Variants in RARB observed in about 807,000 individuals in gnomAD.
RARB encodes the protein retinoic acid receptor beta.
In RARB, 17 loss-of-function variants were observed where a neutral mutation model predicts 51.9. That is an observed-to-expected ratio of 0.33 (90% CI 0.22 to 0.49). RARB has a LOEUF of 0.49. Among genes scored for constraint, RARB ranks in the 20% least tolerant of loss-of-function variants. The pLI is 0.99. For missense variants in RARB, 369 were observed against 550.8 expected (o/e 0.67, Z 3.30); for synonymous variants, 215 against 195.4 (o/e 1.10, Z -0.84).
chr3:25,431,439 T>A (rs564817973), intron 1 of RARB, among the ~76,000 whole-genome samples: 1 of 152,260 alleles, frequency 6.6e-6, no homozygotes, highest in African/African-American at 2.4e-5. Flanking sequence ...GTGAATTGCT[T>A]CTTATAAGCA....
chr3:24,897,958 G>C (rs1277113880), intron 2 of RARB, among the ~76,000 whole-genome samples: 2 of 152,132 alleles, frequency 1.3e-5, no homozygotes, highest in Non-Finnish European at 2.9e-5. Flanking sequence ...GTGGAAGTGG[G>C]AGAAAATAAA....
intron 2 of RARB, among the ~76,000 whole-genome samples, chr3:25,017,948 G>A (rs1033924125): frequency 7.2e-5 from 11 of 152,160 alleles, no homozygotes; most frequent in South Asian, 6.2e-4. Context: ...TCCACCATAT[G>A]TGCAATGGAA....
intron 3 of RARB, among the ~76,000 whole-genome samples, chr3:25,546,066 C>A (rs938507831): frequency 6.6e-6 from 1 of 151,402 alleles, no homozygotes; most frequent in African/African-American, 2.4e-5. Flanking sequence ...GAGAGGGCAC[C>A]CAGGCAGAGG....
intron 5 of RARB, among the ~76,000 whole-genome samples, chr3:25,383,702 C>G (rs188895932): frequency 1.3e-5 from 2 of 152,002 alleles, no homozygotes; most frequent in Non-Finnish European, 2.9e-5. Context: ...CCGAGGCGAG[C>G]GGATCATCTG....
rs71057686 is a variant in RARB at position 24,889,675 on chromosome 3, AGTGT to A, written c.-380+30954_-380+30957del. 0.013 allele frequency among the ~76,000 whole-genome samples: 1,919 copies of A among 142,948 alleles called. 88 individuals carry two copies. The East Asian group carries it at 0.17, about 12-fold the overall frequency. The allele number at this position is 142,948 out of a possible 152,430, so 93.8% of individuals were successfully genotyped here. A position where few individuals can be genotyped will look rare whatever the true frequency, so the allele number is the denominator to read the frequency against. On this transcript the variant is annotated intron_variant, in intron 2 of 11. Coordinates refer to the RARB transcript ENST00000383772. ...ACAAATGTATTGAATCACCTCTTAA[AGTGT>A]GTGTGTGTGTGTGTGTGTGTGTGTG...
intron 5 of RARB, among the ~76,000 whole-genome samples, chr3:25,188,311 T>A (rs1024204969): frequency 6.6e-6 from 1 of 152,136 alleles, no homozygotes; most frequent in Non-Finnish European, 1.5e-5. Flanking sequence ...TCACTAAATG[T>A]TTGTTGTATA....
intron 2 of RARB, among the ~76,000 whole-genome samples, chr3:24,941,772 T>G (rs1474683041): frequency 6.6e-6 from 1 of 152,204 alleles, no homozygotes; most frequent in South Asian, 2.1e-4. Flanking sequence ...TTCACTAACA[T>G]TTTAGAATAT....
intron 2 of RARB, among the ~76,000 whole-genome samples, chr3:24,946,536 C>T (rs550801302): frequency 6.6e-6 from 1 of 151,828 alleles, no homozygotes; most frequent in African/African-American, 2.4e-5. Context: ...ATAATGTGTG[C>T]TTAAAAAACC....
At chr3:25,480,609 CT>C (rs947745778) in intron 2 of RARB, among the ~76,000 whole-genome samples, 1 of 152,104 alleles carries the variant, frequency 6.6e-6, no homozygotes, top group Non-Finnish European at 1.5e-5. Context: ...AGAGTCAATC[CT>C]TTTAGTTGTG....
intron 3 of RARB, among the ~76,000 whole-genome samples, chr3:25,130,195 C>A (rs1204853008): frequency 6.6e-6 from 1 of 152,032 alleles, no homozygotes; most frequent in Non-Finnish European, 1.5e-5. Flanking sequence ...AGCAACTATT[C>A]CTTCACTAGC....
chr3:25,142,452 G>A (rs1700122372), intron 4 of RARB, among the ~76,000 whole-genome samples: 2 of 152,266 alleles, frequency 1.3e-5, no homozygotes, highest in South Asian at 2.1e-4. Flanking sequence ...GAGAAGTCCT[G>A]CCGGATACCT....
chr3:25,573,484 G>C (rs1212662943), intron 4 of RARB, among the ~76,000 whole-genome samples: 3 of 152,188 alleles, frequency 2.0e-5, no homozygotes, highest in African/African-American at 7.2e-5. Flanking sequence ...CCTTCCGGAG[G>C]CCTGCTGCCC....
At chr3:25,123,956 T>C (rs1425926806) in intron 3 of RARB, among the ~76,000 whole-genome samples, 1 of 152,210 alleles carries the variant, frequency 6.6e-6, no homozygotes, top group Non-Finnish European at 1.5e-5. Context: ...TGAACCAGTC[T>C]GTGTCAAAGA....
In RARB at chr3:25,309,486, CTTTTTTT is replaced by C. The variant is rs149976069; in HGVS notation, c.178+134934_178+134940del. ...CTGATTCCTTAACATCTCATAGTTG[CTTTTTTT>C]TTTTTTTTTTTTTTTTTTTTTTGAG... On this transcript the variant is annotated intron_variant, in intron 5 of 11. Transcript: ENST00000383772. 1.5e-4 allele frequency among the ~76,000 whole-genome samples: 9 copies of C among 58,082 alleles called. No homozygotes were observed. In the East Asian group the frequency reaches 2.1e-3, roughly 14 times the overall value. 38.1% of individuals were successfully genotyped at this position (58,082 alleles called of 152,430 possible).
intron 5 of RARB, among the ~76,000 whole-genome samples, chr3:25,232,155 C>T (rs1433798007): frequency 2.0e-5 from 3 of 151,904 alleles, no homozygotes; most frequent in Non-Finnish European, 4.4e-5. Flanking sequence ...GTTAATTGAC[C>T]ATTGTTTCTG....
chr3:25,461,190 T>C lies in RARB; in HGVS notation c.158-3T>C, dbSNP rs751067764. 6 of 1,605,176 alleles carry C rather than the reference T, an allele frequency of 3.7e-6. No individual in the cohort carries two copies. The South Asian group carries it at 6.7e-5, about 18-fold the overall frequency. ...TTCTCCCTCTACCCCATCTCTATTA[T>C]AGCAATTGAAACACAGAGCACCAGC... is the stretch of plus-strand genomic sequence containing the variant. On this transcript the variant is annotated splice_polypyrimidine_tract_variant and splice_region_variant and intron_variant, in intron 1 of 7. Coordinates refer to ENST00000330688, the MANE Select transcript of RARB (RefSeq NM_000965.5).
At chr3:24,942,748 C>T (rs1338568660) in intron 2 of RARB, among the ~76,000 whole-genome samples, 1 of 152,144 alleles carries the variant, frequency 6.6e-6, no homozygotes, top group East Asian at 1.9e-4. Flanking sequence ...CTGTCAAGAG[C>T]ATTAGTGGCA....
rs892350179 is a variant in RARB, at chr3:24,883,747, G to T, written c.-380+24995G>T. On this transcript the variant is annotated intron_variant, in intron 2 of 11. Coordinates refer to the RARB transcript ENST00000383772. ...GCATTGATTTTCAAATTGGGTGTCA[G>T]ATACAGAGCATTAATAAAACACATT... Among the ~76,000 whole-genome samples the T allele has an allele frequency of 3.3e-5, 5 of 152,014 alleles. No homozygotes were observed. In the East Asian group the frequency reaches 9.6e-4, roughly 29 times the overall value.
intron 5 of RARB, among the ~76,000 whole-genome samples, chr3:25,196,640 C>T (rs981674192): frequency 3.9e-5 from 6 of 152,094 alleles, no homozygotes; most frequent in Non-Finnish European, 5.9e-5. Flanking sequence ...CTTGAGGAAT[C>T]GCCACACTGT....
Sources: gnomAD v4.1 joint callset for allele counts (sites outside exome capture counted in the v4.1 genomes callset) on GRCh38, gnomAD v4.1.1 for gene constraint, MANE v1.5 for transcripts, NCBI Gene and HGNC (gene_info 2026-07-23, HGNC 2026-07-21) for gene names.